The following TAF3 variants were observed in gnomAD, a reference collection of about 807,000 sequenced individuals.
TAF3 encodes transcription initiation factor TFIID subunit 3.
A neutral mutation model predicts 80.6 loss-of-function variants in TAF3; 7 were observed. That is an observed-to-expected ratio of 0.09 (90% CI 0.05 to 0.16). The LOEUF is 0.16. Ranked by LOEUF, TAF3 falls within the 10% of genes least tolerant of loss-of-function variation. TAF3 has a pLI of 1.00. For synonymous variants in TAF3, 444 were observed against 446.1 expected, an observed-to-expected ratio of 1.00 and a Z score of 0.06; for missense variants, 921 against 1,140.2, an observed-to-expected ratio of 0.81 and a Z score of 2.77.
chr10:7,848,877 T>TG (rs1396369692), intron 2 of TAF3, among the ~76,000 whole-genome samples: 2 of 152,142 alleles, frequency 1.3e-5, no homozygotes, highest in Non-Finnish European at 2.9e-5. Flanking sequence ...CCTGCCAAAA[T>TG]GGTATGTAGC....
intron 2 of TAF3, among the ~76,000 whole-genome samples, chr10:7,906,311 G>A (rs1055816501): frequency 2.6e-5 from 4 of 152,096 alleles, no homozygotes; most frequent in African/African-American, 4.8e-5. Flanking sequence ...ATCTGATAAC[G>A]CCCACATTTA....
chr10:7,913,173 C>T (rs1212884559), intron 2 of TAF3, among the ~76,000 whole-genome samples: 1 of 152,106 alleles, frequency 6.6e-6, no homozygotes, highest in Non-Finnish European at 1.5e-5. Context: ...ATTCTGACCT[C>T]ATGTAACCCT....
chr10:7,997,922 GATAGTTT>G (rs1156663836), intron 4 of TAF3, among the ~76,000 whole-genome samples: 1 of 152,178 alleles, frequency 6.6e-6, no homozygotes, highest in Non-Finnish European at 1.5e-5. Context: ...ATTAAGTGAT[GATAGTTT>G]ATCTCACAAG....
At chr10:8,004,163 G>T (rs1564381684) in intron 4 of TAF3, among the ~76,000 whole-genome samples, 1 of 151,936 alleles carries the variant, frequency 6.6e-6, no homozygotes, top group Non-Finnish European at 1.5e-5. Context: ...TGATTCTCCT[G>T]CCTCCTCCTC....
chr10:8,005,510 C>T lies in TAF3; in HGVS notation c.2316-3568C>T, dbSNP rs763815472. 5.3e-5 allele frequency among the ~76,000 whole-genome samples: 8 copies of T among 152,194 alleles called. No individual in the cohort carries two copies. In the South Asian group the frequency reaches 6.2e-4, roughly 12 times the overall value. On this transcript the variant is annotated intron_variant, in intron 4 of 6. Coordinates refer to ENST00000344293, the MANE Select transcript of TAF3 (RefSeq NM_031923.4). ...ATAGCCCATTGGGAATCCTTAGTGT[C>T]GGGAGGGAGTTCTATTACACCTTCC... is the stretch of plus-strand genomic sequence containing the variant.
intron 4 of TAF3, among the ~76,000 whole-genome samples, chr10:7,990,089 A>T (rs1175735387): frequency 2.0e-5 from 3 of 152,206 alleles, no homozygotes; most frequent in African/African-American, 7.2e-5. Context: ...TAACTAGTAG[A>T]GCACTTCTGG....
chr10:8,011,420 T>C (rs1173513350), intron 5 of TAF3, among the ~76,000 whole-genome samples: 1 of 151,898 alleles, frequency 6.6e-6, no homozygotes, highest in Non-Finnish European at 1.5e-5. Context: ...CAACTGGCTG[T>C]TTCTTGGCTG....
intron 2 of TAF3, among the ~76,000 whole-genome samples, chr10:7,915,583 C>T (rs1449242776): frequency 6.9e-6 from 1 of 144,508 alleles, no homozygotes; most frequent in Non-Finnish European, 1.5e-5. Flanking sequence ...GCGGATCTTG[C>T]AGTGAGTTGA....
intron 2 of TAF3, among the ~76,000 whole-genome samples, chr10:7,851,820 T>A (rs1341309517): frequency 6.6e-6 from 1 of 152,192 alleles, no homozygotes; most frequent in Non-Finnish European, 1.5e-5. Context: ...GGTCTCACTC[T>A]GGCACTCAAG....
chr10:7,896,544 C>T (rs12572952), intron 2 of TAF3, among the ~76,000 whole-genome samples: 28,074 of 152,068 alleles, frequency 0.18, 2,777 homozygotes, highest in East Asian at 0.29. Flanking sequence ...GTGCATGCCA[C>T]ATTCTGTAAC....
intron 4 of TAF3, among the ~76,000 whole-genome samples, chr10:7,990,299 T>C (rs1831821816): frequency 6.6e-6 from 1 of 152,216 alleles, no homozygotes; most frequent in African/African-American, 2.4e-5. Flanking sequence ...GAGTGGTAAA[T>C]GGCCATGTTC....
intron 2 of TAF3, among the ~76,000 whole-genome samples, chr10:7,942,579 G>A (rs891436690): frequency 5.3e-5 from 8 of 152,146 alleles, no homozygotes; most frequent in Non-Finnish European, 8.8e-5. Context: ...AAACTTGAGG[G>A]AATCCAAGCG....
At chr10:7,919,998 T>C (rs572393319) in intron 2 of TAF3, among the ~76,000 whole-genome samples, 1 of 152,094 alleles carries the variant, frequency 6.6e-6, no homozygotes, top group African/African-American at 2.4e-5. Context: ...GTAATCCCAG[T>C]GTTTTAGGAG....
chr10:7,889,403 A>G lies in TAF3; in HGVS notation c.409+64843A>G, dbSNP rs552871064. ...ATCTACTCATTTAATCTTCACAACA[A>G]CCCTGTAAGGCAAATACTATTCACA... On this transcript the variant is annotated intron_variant, in intron 2 of 6. Coordinates refer to ENST00000344293, the MANE Select transcript of TAF3 (RefSeq NM_031923.4). Among the ~76,000 whole-genome samples the G allele has an allele frequency of 2.0e-5, 3 of 152,258 alleles. No homozygotes were observed. The East Asian group carries it at 5.8e-4, about 29-fold the overall frequency.
chr10:7,997,458 G>A (rs12249718), intron 4 of TAF3, among the ~76,000 whole-genome samples: 185 of 152,350 alleles, frequency 1.2e-3, no homozygotes, highest in African/African-American at 4.1e-3. Context: ...AGCTGGGGAG[G>A]TGAGGACGGG....
intron 2 of TAF3, among the ~76,000 whole-genome samples, chr10:7,894,328 C>T (rs928398117): frequency 2.0e-5 from 3 of 152,182 alleles, no homozygotes; most frequent in Non-Finnish European, 2.9e-5. Context: ...AAAAAAATTA[C>T]CACCTAAGGT....
chr10:7,865,930 T>G (rs897582398), intron 2 of TAF3, among the ~76,000 whole-genome samples: 2 of 152,250 alleles, frequency 1.3e-5, no homozygotes, highest in Admixed American at 6.5e-5. Context: ...CCATACTTCA[T>G]CCTCCCCATC....
intron 2 of TAF3, among the ~76,000 whole-genome samples, chr10:7,851,507 ACT>A (rs1491274262): frequency 6.6e-6 from 1 of 151,378 alleles, no homozygotes. Context: ...TGTTAAAACA[ACT>A]TTTTTTTTTA....
intron 2 of TAF3, among the ~76,000 whole-genome samples, chr10:7,854,014 A>G (rs1353012363): frequency 6.6e-6 from 1 of 152,200 alleles, no homozygotes; most frequent in African/African-American, 2.4e-5. Flanking sequence ...ATATCAACAA[A>G]ACTTAGAAGA....
Sources: allele counts gnomAD v4.1 joint callset (sites outside exome capture counted in the v4.1 genomes callset), GRCh38; gene constraint gnomAD v4.1.1; transcripts MANE v1.5; gene names NCBI Gene and HGNC (gene_info 2026-07-23, HGNC 2026-07-21).